Variants in TYROBP observed in about 807,000 individuals in gnomAD.
TYROBP encodes the protein TYRO protein tyrosine kinase-binding protein.
TYROBP carries 14 observed loss-of-function variants against 17.1 expected under a neutral mutation model. The ratio of observed to expected loss-of-function variants is 0.82; its 90% confidence interval spans 0.54 to 1.28. The LOEUF (loss-of-function observed/expected upper bound fraction) is 1.28. Ranked by LOEUF, TYROBP falls within the 50% of genes most tolerant of loss-of-function variation. TYROBP has a pLI of 0.00. For missense variants in TYROBP, 161 were observed against 151.4 expected, an observed-to-expected ratio of 1.06 and a Z score of -0.33; for synonymous variants, 73 against 67.4, an observed-to-expected ratio of 1.08 and a Z score of -0.41.
intron 1 of TYROBP, 102 bp from the exon 2 acceptor site, chr19:35,907,864 T>G: frequency 1.6e-6 from 2 of 1,240,488 alleles, no homozygotes; most frequent in Non-Finnish European, 2.3e-6. Flanking sequence ...GCCAAGAGGT[T>G]AGCAAGGGGG....
intron 4 of TYROBP, among the ~76,000 whole-genome samples, chr19:35,906,963 C>T (rs1265589022): frequency 1.3e-5 from 2 of 152,120 alleles, no homozygotes; most frequent in Non-Finnish European, 1.5e-5. Context: ...GTGATCCACC[C>T]GCCTCTGTCT....
At position 35,906,068 on chromosome 19, in the gene TYROBP, C is replaced by A. The variant is rs534447410; in HGVS notation, c.276+1150G>T. 5.3e-5 allele frequency among the ~76,000 whole-genome samples: 8 copies of A among 151,878 alleles called. No homozygotes were observed. The East Asian group carries it at 1.5e-3, about 29-fold the overall frequency. On this transcript the variant is annotated intron_variant, in intron 4 of 4. Coordinates refer to ENST00000262629, the MANE Select transcript of TYROBP (RefSeq NM_003332.4). ...TTCGGAGGCTGAGGCGGGAGGATCA[C>A]TTGAGACTGGGAGTTTGAGACCAGC...
At position 35,907,737 on chromosome 19, in the gene TYROBP, G is replaced by C. The variant is rs770315263; in HGVS notation, c.87C>G (p.Ala29=). The change falls in exon 2 of 5, where the codon GCC becomes GCG. Residue 29 remains alanine (A), a synonymous_variant. Transcript: ENST00000262629. ...VSGLRPVQAQ[A]QSDCSCSTVS... ...TGCTGGGTCTAGGCCTACCGCTCTG[G>C]GCCTGGGCCTGGACAGGACGGAGAC... 1.2e-6 allele frequency: 2 copies of C among 1,614,056 alleles called. No homozygotes were observed. The highest frequency in any genetic ancestry group is 2.2e-5 in the South Asian group (2 of 91,076).
Position 35,907,248 on chromosome 19 carries a change from C to T in TYROBP, c.246G>A (p.Gln82=). The part of the protein sequence containing the change: ...RGAAEAATRK[Q]RITETESPYQ... ...AAGGCGACTCGGTCTCAGTGATACG[C>T]TGTTTCCGGGTCGCTGCTGGAGGTG... Residue 82 remains glutamine, a synonymous_variant, in exon 4 of 5, where the codon CAG becomes CAA. Coordinates refer to ENST00000262629, the MANE Select transcript of TYROBP (RefSeq NM_003332.4). The T allele has an allele frequency of 6.2e-7, 1 of 1,609,128 alleles. No homozygotes were observed. Among genetic ancestry groups the T allele is most frequent in the South Asian group, 1.1e-5 (1 of 90,294 alleles).
intron 3 of TYROBP, 41 bp downstream of exon 3, chr19:35,907,405 C>CAA: frequency 6.3e-7 from 1 of 1,586,004 alleles, no homozygotes; most frequent in Non-Finnish European, 8.7e-7. Flanking sequence ...CCACCCCCAT[C>CAA]TAGGCAAGTC....
At chr19:35,907,962 C>T (rs915931641) in intron 1 of TYROBP, among the ~76,000 whole-genome samples, 200 bp from the exon 2 acceptor site, 5 of 152,138 alleles carry the variant, frequency 3.3e-5, no homozygotes, top group African/African-American at 1.2e-4. Context: ...TGTGGCAACA[C>T]ACTTAGATGT....
At chr19:35,907,399 C>T (rs747153455) in intron 3 of TYROBP, 47 bp downstream of exon 3, 2 of 1,598,330 alleles carry the variant, frequency 1.3e-6, no homozygotes, top group Non-Finnish European at 1.7e-6. Flanking sequence ...AGCCCCCCAC[C>T]CCCATCTAGG....
rs1975765844 is a variant in TYROBP, at chr19:35,907,711, C to A, written c.94+19G>T. 6.2e-7 allele frequency: 1 copy of A among 1,613,820 alleles called. No individual in the cohort carries two copies. Among genetic ancestry groups the A allele is most frequent in the African/African-American group, 1.3e-5 (1 of 74,846 alleles). ...GGTCTCTGGGAGGTAGAGAGAGGGA[C>A]TGCTGGGTCTAGGCCTACCGCTCTG... On this transcript the variant is annotated intron_variant, in intron 2 of 4. Coordinates refer to ENST00000262629, the MANE Select transcript of TYROBP (RefSeq NM_003332.4).
rs1331472939 is a variant in TYROBP at position 35,904,629 on chromosome 19, G to A, written c.282C>T (p.Leu94=). ...ITETESPYQE[L]QGQRSDVYSD... The stretch of plus-strand genomic sequence containing the variant: ...TGTAGACATCCGACCTCTGACCCTG[G>A]AGCTCCTAAAGGAATGGGGGCCATC... Residue 94 remains leucine (L), a synonymous_variant, in exon 5 of 5, where the codon CTC becomes CTT. Transcript: ENST00000262629. 2 of 1,612,712 alleles carry A rather than the reference G, an allele frequency of 1.2e-6. No individual in the cohort carries two copies. Among genetic ancestry groups the A allele is most frequent in the Non-Finnish European group, 1.7e-6 (2 of 1,179,536 alleles).
chr19:35,906,870 G>A (rs776466477), intron 4 of TYROBP, among the ~76,000 whole-genome samples: 3 of 152,026 alleles, frequency 2.0e-5, no homozygotes, highest in Non-Finnish European at 4.4e-5. Context: ...GGGATTACAG[G>A]CATGCGTTAC....
Position 35,908,250 on chromosome 19 carries a change from CCA to C in TYROBP, c.-24_-23del. 2 of 1,611,506 alleles carry C rather than the reference CCA, an allele frequency of 1.2e-6. No homozygotes were observed. The highest frequency in any genetic ancestry group is 2.7e-5 in the African/African-American group (2 of 74,934). On this transcript the variant is annotated 5_prime_UTR_variant, in exon 1 of 5. Transcript: ENST00000262629. ...CCATGAAGCCGGATGCTGCTGGACA[CCA>C]CAGTGTAAGGGCCGGTGGGATGTGG...
chr19:35,904,738 T>G, intron 4 of TYROBP, 104 bp from the exon 5 acceptor site: 1 of 1,003,274 alleles, frequency 1.0e-6, no homozygotes. Context: ...CTTATAGCCA[T>G]GAAAGAGATC....
At position 35,908,279 on chromosome 19, in the gene TYROBP, G is replaced by T. The variant is rs775695088; in HGVS notation, c.-51C>A. The stretch of plus-strand genomic sequence containing the variant: ...AGTGTAAGGGCCGGTGGGATGTGGC[G>T]CAGCGTCCAGGCAAGTGAAGGAGGA... On this transcript the variant is annotated 5_prime_UTR_variant, in exon 1 of 5. Coordinates refer to ENST00000262629, the MANE Select transcript of TYROBP (RefSeq NM_003332.4). The T allele has an allele frequency of 6.5e-7, 1 of 1,530,024 alleles. No individual in the cohort carries two copies. Among genetic ancestry groups the T allele is most frequent in the African/African-American group, 1.4e-5 (1 of 73,236 alleles). 94.8% of individuals were successfully genotyped at this position (1,530,024 alleles called of 1,614,324 possible). A position where few individuals can be genotyped will look rare whatever the true frequency, so the allele number is the denominator to read the frequency against.
intron 4 of TYROBP, among the ~76,000 whole-genome samples, chr19:35,905,466 TTGAC>T (rs913915760): frequency 6.6e-5 from 10 of 152,004 alleles, no homozygotes; most frequent in Non-Finnish European, 1.2e-4. Context: ...AAAAGGAACA[TTGAC>T]AGAGAGGGGG....
intron 4 of TYROBP, 115 bp from the exon 5 acceptor site, chr19:35,904,749 C>T (rs553707275): frequency 4.9e-5 from 45 of 914,360 alleles, no homozygotes; most frequent in South Asian, 3.7e-4. Context: ...GAAAGAGATC[C>T]GGATTTTATT....
chr19:35,908,208 G>T lies in TYROBP; in HGVS notation c.21C>A (p.Cys7Ter). MGGLEPCSRLLLLPLLL... is the reference protein window; with the variant it reads MGGLEP ...GGAGAGGCAGGAGCAGGAGCCTGCTGCAGGGTTCAAGTCCCCCCATGAAGC... is the reference window on the plus strand; with the variant it reads ...GGAGAGGCAGGAGCAGGAGCCTGCTTCAGGGTTCAAGTCCCCCCATGAAGC... Residue 7 changes from cysteine (C) to a stop codon, truncating the protein, a stop_gained, in exon 1 of 5, where the codon TGC becomes TGA. Coordinates refer to ENST00000262629, the MANE Select transcript of TYROBP (RefSeq NM_003332.4). LOFTEE classifies it high-confidence loss of function. 1 of 1,613,970 alleles carries T rather than the reference G, an allele frequency of 6.2e-7. No individual in the cohort carries two copies. Among genetic ancestry groups the T allele is most frequent in the Non-Finnish European group, 8.5e-7 (1 of 1,179,974 alleles).
chr19:35,908,174 C>G lies in TYROBP; in HGVS notation c.55G>C (p.Val19Leu). Residue 19 changes from valine to leucine, a missense_variant, in exon 1 of 5, where the codon GTA becomes CTA. Val to Leu is a conservative substitution (Grantham distance 32). Transcript: ENST00000262629. ...ACGGAAGCCCCTAACTCACCACTTA[C>G]AGCCAGCAGGAGAGGCAGGAGCAGG... is the stretch of plus-strand genomic sequence containing the variant. The part of the protein sequence containing the change: ...RLLLLPLLLA[V>L]SGLRPVQAQA... The G allele has an allele frequency of 6.2e-7, 1 of 1,613,888 alleles. No homozygotes were observed. Among genetic ancestry groups the G allele is most frequent in the Non-Finnish European group, 8.5e-7 (1 of 1,179,916 alleles).
intron 3 of TYROBP, 83 bp downstream of exon 3, chr19:35,907,363 G>T: frequency 6.2e-7 from 1 of 1,606,434 alleles, no homozygotes. Flanking sequence ...CATCCCTTTG[G>T]ATGTTTGAGA....
chr19:35,907,634 G>T, intron 2 of TYROBP, 54 bp from the exon 3 acceptor site: 1 of 1,613,348 alleles, frequency 6.2e-7, no homozygotes, highest in Non-Finnish European at 8.5e-7. Context: ...GTGGGGAGGG[G>T]GGTCAGCGGC....
Sources: allele counts gnomAD v4.1 joint callset (sites outside exome capture counted in the v4.1 genomes callset), GRCh38; gene constraint gnomAD v4.1.1; transcripts MANE v1.5; gene names NCBI Gene and HGNC (gene_info 2026-07-23, HGNC 2026-07-21).